Variants in CEP126 observed in about 807,000 individuals in gnomAD.
The protein encoded by CEP126 is centrosomal protein of 126 kDa.
CEP126 carries 74 observed loss-of-function variants against 107.8 expected under a neutral mutation model. That is an observed-to-expected ratio of 0.69 (90% CI 0.57 to 0.83). The LOEUF is 0.83. CEP126 is among the 40% of genes least tolerant of loss of function. The pLI, the probability that CEP126 is intolerant of heterozygous loss-of-function variation, is 0.00. For missense variants in CEP126, 1,237 were observed against 1,281.9 expected (o/e 0.96, Z 0.53); for synonymous variants, 449 against 446.0 (o/e 1.01, Z -0.08).
chr11:101,987,163 T>A (rs986640878), intron 9 of CEP126, 122 bp downstream of exon 9: 1 of 647,438 alleles, frequency 1.5e-6, no homozygotes, highest in African/African-American at 1.8e-5. Flanking sequence ...ACCAACTACC[T>A]GAGTGCATAA....
intron 1 of CEP126, among the ~76,000 whole-genome samples, chr11:101,917,314 C>T (rs368773724): frequency 6.6e-6 from 1 of 151,704 alleles, no homozygotes; most frequent in Admixed American, 6.6e-5. Flanking sequence ...AGTAGGTGCT[C>T]AAATTTACAT....
intron 10 of CEP126, among the ~76,000 whole-genome samples, chr11:101,996,344 A>C (rs1239057563): frequency 1.3e-5 from 2 of 152,216 alleles, no homozygotes; most frequent in Non-Finnish European, 2.9e-5. Flanking sequence ...TGCTTCAAAC[A>C]GCCTGCTCAG....
At chr11:101,930,477 T>C (rs557990792) in intron 2 of CEP126, among the ~76,000 whole-genome samples, 21 of 152,224 alleles carry the variant, frequency 1.4e-4, no homozygotes, top group East Asian at 7.7e-4. Flanking sequence ...TCGCGGTGAG[T>C]GTTACAGCTC....
rs1358161530 is a variant in CEP126 at position 102,000,463 on chromosome 11, A to G, written c.*2820A>G. ...TTTGGGAGGCCGAGGCAGGTGGATC[A>G]TTTGAGCTCAGGAATTCAAGACCAG... On this transcript the variant is annotated 3_prime_UTR_variant, in exon 11 of 11. Transcript: ENST00000263468. The G allele has an allele frequency of 1.3e-5, 2 of 152,182 alleles. No homozygotes were observed. The highest frequency in any genetic ancestry group is 6.5e-5 in the Admixed American group (1 of 15,268). 9.4% of individuals were successfully genotyped at this position (152,182 alleles called of 1,614,324 possible).
intron 2 of CEP126, among the ~76,000 whole-genome samples, chr11:101,941,486 A>G (rs1372250435): frequency 6.6e-6 from 1 of 152,172 alleles, no homozygotes; most frequent in Admixed American, 6.5e-5. Flanking sequence ...CTTCGTTTTT[A>G]AGACTGAAAA....
In CEP126 at chr11:101,995,627, T is replaced by C. The variant is rs371816097; in HGVS notation, c.3310-1972T>C. 5.3e-5 allele frequency among the ~76,000 whole-genome samples: 8 copies of C among 152,176 alleles called. No homozygotes were observed. The South Asian group carries it at 8.3e-4, about 16-fold the overall frequency. On this transcript the variant is annotated intron_variant, in intron 10 of 10. Coordinates refer to ENST00000263468, the MANE Select transcript of CEP126 (RefSeq NM_020802.4). ...AGCCTGCACTGATGAGGAAAGCCAG[T>C]GAAGTAGTCAGTCCAAGTACCCTCT...
Position 102,000,488 on chromosome 11 carries a change from G to A in CEP126, c.*2845G>A, listed in dbSNP as rs1173844386. On this transcript the variant is annotated 3_prime_UTR_variant, in exon 11 of 11. Transcript: ENST00000263468. ...ATTTGAGCTCAGGAATTCAAGACCA[G>A]CCTGGGTAATATGGCAAGAGCCCAA... 6.6e-6 allele frequency: 1 copy of A among 152,170 alleles called. No homozygotes were observed. Among genetic ancestry groups the A allele is most frequent in the Non-Finnish European group, 1.5e-5 (1 of 68,088 alleles). 9.4% of individuals were successfully genotyped at this position (152,170 alleles called of 1,614,324 possible). A position where few individuals can be genotyped will look rare whatever the true frequency, so the allele number is the denominator to read the frequency against.
intron 5 of CEP126, among the ~76,000 whole-genome samples, chr11:101,958,665 A>G (rs1188992248): frequency 6.6e-6 from 1 of 152,252 alleles, no homozygotes; most frequent in Non-Finnish European, 1.5e-5. Context: ...AGAATTTGCT[A>G]GAAATGATGT....
At chr11:101,923,615 T>C (rs948743041) in intron 2 of CEP126, among the ~76,000 whole-genome samples, 7 of 152,248 alleles carry the variant, frequency 4.6e-5, no homozygotes, top group Admixed American at 2.0e-4. Flanking sequence ...ACTTTTTTAT[T>C]GTCTGATGTA....
intron 10 of CEP126, among the ~76,000 whole-genome samples, chr11:101,996,938 G>T (rs908959597): frequency 6.6e-6 from 1 of 151,958 alleles, no homozygotes; most frequent in Non-Finnish European, 1.5e-5. Context: ...AGTTTTATTG[G>T]TACCCAGAAT....
Position 101,922,625 on chromosome 11 carries a change from T to G in CEP126, c.129-16T>G. 6.3e-7 allele frequency: 1 copy of G among 1,593,010 alleles called. No homozygotes were observed. The highest frequency in any genetic ancestry group is 8.6e-7 in the Non-Finnish European group (1 of 1,161,968). On this transcript the variant is annotated splice_polypyrimidine_tract_variant and intron_variant, in intron 1 of 10. Transcript: ENST00000263468. ...AAAGATGTAGACCATTGTTCTTAACTTAATGCTATCATTAGAGATATGAAA... is the reference window on the plus strand; with the variant it reads ...AAAGATGTAGACCATTGTTCTTAACGTAATGCTATCATTAGAGATATGAAA...
rs539636522 is a variant in CEP126, at chr11:101,982,883, C to T, written c.3034+919C>T. Among the ~76,000 whole-genome samples the T allele has an allele frequency of 5.3e-5, 8 of 152,318 alleles. No homozygotes were observed. In the East Asian group the frequency reaches 1.5e-3, roughly 29 times the overall value. Reference sequence around the variant, plus strand: ...ACACCTGACTTCATATGATGGGTCACAGCTAAAACACAAGCTCATACCATA... The same window carrying T: ...ACACCTGACTTCATATGATGGGTCATAGCTAAAACACAAGCTCATACCATA... On this transcript the variant is annotated intron_variant, in intron 8 of 10. Transcript: ENST00000263468.
intron 5 of CEP126, among the ~76,000 whole-genome samples, chr11:101,959,920 C>T (rs1940949871): frequency 6.6e-6 from 1 of 152,068 alleles, no homozygotes; most frequent in Non-Finnish European, 1.5e-5. Flanking sequence ...AAGCCATCAA[C>T]ACATTTAATT....
chr11:101,974,168 G>A (rs1341138315), intron 6 of CEP126, among the ~76,000 whole-genome samples: 2 of 152,020 alleles, frequency 1.3e-5, no homozygotes, highest in Non-Finnish European at 2.9e-5. Context: ...AGCAAAAAAG[G>A]TTTACCATAG....
chr11:101,921,391 CT>C (rs1940323018), intron 1 of CEP126, among the ~76,000 whole-genome samples: 1 of 152,066 alleles, frequency 6.6e-6, no homozygotes, highest in Non-Finnish European at 1.5e-5. Context: ...ATGAGGGCAA[CT>C]TGTTAGTAAG....
At chr11:101,934,038 A>G (rs150843029) in intron 2 of CEP126, among the ~76,000 whole-genome samples, 50 of 152,176 alleles carry the variant, frequency 3.3e-4, no homozygotes, top group African/African-American at 1.1e-3. Context: ...ACAGATAGAT[A>G]CAAAGGACAA....
chr11:101,995,890 G>A (rs1019030527), intron 10 of CEP126, among the ~76,000 whole-genome samples: 1 of 152,158 alleles, frequency 6.6e-6, no homozygotes, highest in Non-Finnish European at 1.5e-5. Context: ...TACCGTCTAT[G>A]TGCCAGAAAC....
chr11:101,970,072 G>A (rs1320126651), intron 6 of CEP126, among the ~76,000 whole-genome samples: 2 of 152,146 alleles, frequency 1.3e-5, no homozygotes, highest in Non-Finnish European at 2.9e-5. Flanking sequence ...ATCAATTGTA[G>A]ATTAAAATTA....
chr11:101,945,422 C>T (rs894596790), intron 3 of CEP126, among the ~76,000 whole-genome samples: 2 of 152,012 alleles, frequency 1.3e-5, no homozygotes, highest in African/African-American at 2.4e-5. Context: ...GCTTTATATG[C>T]CATGCCAGGA....
Sources: allele counts gnomAD v4.1 joint callset (sites outside exome capture counted in the v4.1 genomes callset), GRCh38; gene constraint gnomAD v4.1.1; transcripts MANE v1.5; gene names NCBI Gene and HGNC (gene_info 2026-07-23, HGNC 2026-07-21).